The following SIL1 variants were observed in gnomAD, a reference collection of about 807,000 sequenced individuals.
SIL1 encodes nucleotide exchange factor SIL1.
A neutral mutation model predicts 49.1 loss-of-function variants in SIL1; 40 were observed. The ratio of observed to expected loss-of-function variants is 0.81; its 90% CI spans 0.63 to 1.06. SIL1 has a LOEUF of 1.06. SIL1 is among the 50% of genes least tolerant of loss of function. The pLI, the probability that SIL1 is intolerant of heterozygous loss-of-function variation, is 0.00. For synonymous variants in SIL1, 253 were observed against 250.8 expected (o/e 1.01, Z -0.08); for missense variants, 500 against 572.6 (o/e 0.87, Z 1.29).
intron 7 of SIL1, among the ~76,000 whole-genome samples, chr5:138,979,058 A>T (rs1767454488): frequency 1.3e-5 from 2 of 150,074 alleles, no homozygotes; most frequent in South Asian, 4.2e-4. Context: ...TATTTAATTT[A>T]ATTTAATTTT....
At chr5:138,968,276 CT>C (rs1183237914) in intron 7 of SIL1, among the ~76,000 whole-genome samples, 1 of 152,148 alleles carries the variant, frequency 6.6e-6, no homozygotes, top group Non-Finnish European at 1.5e-5. Flanking sequence ...CCCCTGGCCC[CT>C]GGGGAATATG....
intron 1 of SIL1, among the ~76,000 whole-genome samples, chr5:139,161,781 C>T (rs1259379756): frequency 2.6e-5 from 4 of 152,036 alleles, no homozygotes; most frequent in African/African-American, 7.2e-5. Context: ...CTTTGGGAGG[C>T]TGAGGTGGGC....
At chr5:139,127,141 G>C (rs557500096) in intron 2 of SIL1, among the ~76,000 whole-genome samples, 1 of 152,350 alleles carries the variant, frequency 6.6e-6, no homozygotes, top group Admixed American at 6.5e-5. Flanking sequence ...CTAGGTTAAT[G>C]AAGTGTGGCC....
chr5:139,164,138 T>C lies in SIL1; in HGVS notation c.-11+34131A>G, dbSNP rs560531457. Among the ~76,000 whole-genome samples the C allele has an allele frequency of 4.7e-5, 7 of 147,704 alleles. No individual in the cohort carries two copies. In the South Asian group the frequency reaches 8.7e-4, roughly 18 times the overall value. ...TCTCAAAAAAAAAAAAAAAAAGATA[T>C]TATCATCTCCATTTTACAGATAAAG... On this transcript the variant is annotated intron_variant, in intron 1 of 9. Coordinates refer to ENST00000394817, the MANE Select transcript of SIL1 (RefSeq NM_022464.5).
chr5:139,171,645 T>A (rs1229476235), intron 1 of SIL1, among the ~76,000 whole-genome samples: 1 of 148,806 alleles, frequency 6.7e-6, no homozygotes, highest in Non-Finnish European at 1.5e-5. Flanking sequence ...TCCACTATTG[T>A]CCTATGACCC....
At chr5:139,057,309 A>C (rs1769471303) in intron 3 of SIL1, among the ~76,000 whole-genome samples, 1 of 141,724 alleles carries the variant, frequency 7.1e-6, no homozygotes, top group African/African-American at 2.8e-5. Context: ...CCCAAGAATG[A>C]TCAATAAAAA....
intron 7 of SIL1, among the ~76,000 whole-genome samples, chr5:138,974,529 C>T (rs1767353079): frequency 6.6e-6 from 1 of 152,218 alleles, no homozygotes; most frequent in Admixed American, 6.5e-5. Flanking sequence ...ATTTGGGAAG[C>T]CAGCCAGGCA....
At chr5:139,068,655 GA>G (rs745799045) in intron 3 of SIL1, among the ~76,000 whole-genome samples, 12,300 of 64,798 alleles carry the variant, frequency 0.19, 1,129 homozygotes, top group African/African-American at 0.35. Flanking sequence ...GAATGAAAAG[GA>G]AAAAAAAAAA....
chr5:138,995,910 G>C (rs1470755153), intron 7 of SIL1, among the ~76,000 whole-genome samples: 1 of 152,130 alleles, frequency 6.6e-6, no homozygotes, highest in Non-Finnish European at 1.5e-5. Context: ...TTGTGTATAT[G>C]TGCCACATTT....
At chr5:139,086,008 A>T (rs1770209455) in intron 3 of SIL1, among the ~76,000 whole-genome samples, 1 of 152,024 alleles carries the variant, frequency 6.6e-6, no homozygotes, top group African/African-American at 2.4e-5. Context: ...CACATCTGTA[A>T]TCCCAACACT....
intron 3 of SIL1, among the ~76,000 whole-genome samples, chr5:139,098,760 T>C (rs1770521940): frequency 6.8e-6 from 1 of 146,922 alleles, no homozygotes; most frequent in South Asian, 2.2e-4. Flanking sequence ...ACAAACTTAA[T>C]AATTCCATCA....
At chr5:139,093,613 G>A (rs1307343116) in intron 3 of SIL1, among the ~76,000 whole-genome samples, 1 of 152,140 alleles carries the variant, frequency 6.6e-6, no homozygotes, top group African/African-American at 2.4e-5. Context: ...TTTTTCTAAG[G>A]TACTTTTAAA....
At chr5:138,985,613 A>C (rs1372772027) in intron 7 of SIL1, among the ~76,000 whole-genome samples, 1 of 152,208 alleles carries the variant, frequency 6.6e-6, no homozygotes. Flanking sequence ...AAAGAACCTC[A>C]TATCTAGTGC....
At chr5:139,156,941 T>C (rs2151808789) in intron 1 of SIL1, among the ~76,000 whole-genome samples, 1 of 152,252 alleles carries the variant, frequency 6.6e-6, no homozygotes, top group Non-Finnish European at 1.5e-5. Flanking sequence ...CTAACCTGGG[T>C]CCTATGACTC....
chr5:139,116,016 G>A (rs1228408720), intron 3 of SIL1, among the ~76,000 whole-genome samples: 1 of 152,168 alleles, frequency 6.6e-6, no homozygotes, highest in East Asian at 1.9e-4. Flanking sequence ...GAGGAGTGGA[G>A]AACCACGCCG....
At chr5:138,966,267 A>T (rs1374412826) in intron 7 of SIL1, among the ~76,000 whole-genome samples, 1 of 152,150 alleles carries the variant, frequency 6.6e-6, no homozygotes, top group Non-Finnish European at 1.5e-5. Flanking sequence ...GACTTAGTTT[A>T]GCTTCCCTCC....
chr5:139,194,731 A>G lies in SIL1; in HGVS notation c.-11+3538T>C, dbSNP rs544997109. On this transcript the variant is annotated intron_variant, in intron 1 of 9. Coordinates refer to ENST00000394817, the MANE Select transcript of SIL1 (RefSeq NM_022464.5). ...GACTAAGGGACTAGCATTGTAAGAG[A>G]GTTCAGATTAGCTCTCCTGAAAAGA... 5.9e-5 allele frequency among the ~76,000 whole-genome samples: 9 copies of G among 152,266 alleles called. No individual in the cohort carries two copies. In the South Asian group the frequency reaches 1.9e-3, roughly 32 times the overall value.
intron 7 of SIL1, among the ~76,000 whole-genome samples, chr5:138,971,490 T>A (rs1295382084): frequency 1.3e-5 from 2 of 152,066 alleles, no homozygotes; most frequent in African/African-American, 2.4e-5. Context: ...TAGTGAGGAG[T>A]TCCCCCAGCA....
At chr5:139,178,261 G>A (rs920950115) in intron 1 of SIL1, among the ~76,000 whole-genome samples, 3 of 152,174 alleles carry the variant, frequency 2.0e-5, no homozygotes, top group African/African-American at 4.8e-5. Context: ...TTAGCTGACT[G>A]AAGGAAAACA....
Sources: gnomAD v4.1 joint callset for allele counts (sites outside exome capture counted in the v4.1 genomes callset) on GRCh38, gnomAD v4.1.1 for gene constraint, MANE v1.5 for transcripts, NCBI Gene and HGNC (gene_info 2026-07-23, HGNC 2026-07-21) for gene names.